Variants in AASS observed in about 807,000 individuals in gnomAD.
AASS encodes aminoadipate-semialdehyde synthase, also known as alpha-aminoadipic semialdehyde synthase, mitochondrial.
In AASS, 86 loss-of-function variants were observed where a neutral mutation model predicts 105.4. The ratio of observed to expected loss-of-function variants is 0.82; its 90% CI spans 0.69 to 0.98. The LOEUF (loss-of-function observed/expected upper bound fraction) is 0.98. AASS is among the 50% of genes least tolerant of loss of function. The pLI, the probability that AASS is intolerant of heterozygous loss-of-function variation, is 0.00. For synonymous variants in AASS, 381 were observed against 394.8 expected (o/e 0.96, Z 0.41); for missense variants, 1,048 against 1,143.2 (o/e 0.92, Z 1.20).
At chr7:122,085,827 C>T (rs560664508) in intron 19 of AASS, among the ~76,000 whole-genome samples, 185 bp downstream of exon 19, 15 of 152,144 alleles carry the variant, frequency 9.9e-5, no homozygotes, top group Non-Finnish European at 1.9e-4. Context: ...CCTAATGAGT[C>T]AATTAATTAT....
intron 8 of AASS, among the ~76,000 whole-genome samples, chr7:122,115,653 G>A (rs936938779): frequency 1.3e-5 from 2 of 152,064 alleles, no homozygotes; most frequent in African/African-American, 4.8e-5. Flanking sequence ...ATTCCTCAAA[G>A]GAATGCTGTG....
chr7:122,113,834 C>A, intron 9 of AASS, 114 bp from the exon 10 acceptor site: 30 of 1,128,008 alleles, frequency 2.7e-5, no homozygotes, highest in Non-Finnish European at 3.8e-5. Flanking sequence ...ATTTTCCAGG[C>A]TTTTGGGGTC....
intron 15 of AASS, among the ~76,000 whole-genome samples, chr7:122,096,007 G>A (rs1008941645): frequency 1.3e-5 from 2 of 152,008 alleles, no homozygotes; most frequent in Non-Finnish European, 2.9e-5. Context: ...TTTTTTAGAC[G>A]AAGGGATTAG....
At chr7:122,089,177 G>T (rs1255032490) in intron 18 of AASS, among the ~76,000 whole-genome samples, 1 of 152,060 alleles carries the variant, frequency 6.6e-6, no homozygotes, top group African/African-American at 2.4e-5. Flanking sequence ...TACAAGAGAG[G>T]TTTTAAGTTG....
At chr7:122,101,299 G>A (rs1205826777) in intron 13 of AASS, 72 bp downstream of exon 13, 6 of 1,180,296 alleles carry the variant, frequency 5.1e-6, no homozygotes, top group Non-Finnish European at 6.3e-6. Flanking sequence ...TCCCATTGAA[G>A]CATTAAAAAA....
In AASS at chr7:122,086,189, A is replaced by G; in HGVS notation, c.2017-10T>C. On this transcript the variant is annotated splice_polypyrimidine_tract_variant and intron_variant, in intron 18 of 23. Coordinates refer to ENST00000417368, the MANE Select transcript of AASS (RefSeq NM_005763.4). ...CTGCAACATTCACAACCTGAGGAAC[A>G]TTGAGAAGGCACACATGGGGTTACA... 1.9e-6 allele frequency: 3 copies of G among 1,612,856 alleles called. No homozygotes were observed. The highest frequency in any genetic ancestry group is 1.7e-6 in the Non-Finnish European group (2 of 1,179,528).
chr7:122,084,137 A>T (rs1793509822), intron 19 of AASS, among the ~76,000 whole-genome samples: 1 of 152,188 alleles, frequency 6.6e-6, no homozygotes, highest in Admixed American at 6.5e-5. Context: ...CAAATTGAAG[A>T]AAATAGATCA....
chr7:122,139,739 C>T (rs1181180426), intron 1 of AASS, among the ~76,000 whole-genome samples: 1 of 152,078 alleles, frequency 6.6e-6, no homozygotes, highest in Admixed American at 6.6e-5. Context: ...GGGCAGATCA[C>T]CTGAGGAGTT....
At chr7:122,107,359 C>T (rs111989968) in intron 11 of AASS, among the ~76,000 whole-genome samples, 9,615 of 152,172 alleles carry the variant, frequency 0.063, 512 homozygotes, top group East Asian at 0.16. Flanking sequence ...AACAGAACTA[C>T]TCTTCAACCC....
chr7:122,120,731 A>T (rs1028341415), intron 4 of AASS, among the ~76,000 whole-genome samples: 1 of 151,988 alleles, frequency 6.6e-6, no homozygotes, highest in African/African-American at 2.4e-5. Context: ...TACCCCACAC[A>T]TTTTGATAAG....
In AASS at chr7:122,116,653, T is replaced by C. The variant is rs587777122; in HGVS notation, c.874A>G (p.Ile292Val). The C allele has an allele frequency of 3.1e-6, 5 of 1,614,138 alleles. No homozygotes were observed. The highest frequency in any genetic ancestry group is 1.7e-5 in the Admixed American group (1 of 60,032). Residue 292 changes from isoleucine to valine, a missense_variant, in exon 8 of 24, where the codon ATA (isoleucine) becomes GTA (valine). Coordinates refer to ENST00000417368, the MANE Select transcript of AASS (RefSeq NM_005763.4). ...AEYDKHPERY[I>V]SRFNTDIAPY... The stretch of plus-strand genomic sequence containing the variant: ...CTCACATCAGTATTAAAACGACTTA[T>C]GTAGCGCTCCGGATGTTTGTCATAC...
chr7:122,136,122 TAAC>T (rs1796129433), intron 1 of AASS, among the ~76,000 whole-genome samples: 1 of 152,170 alleles, frequency 6.6e-6, no homozygotes, highest in Admixed American at 6.5e-5. Context: ...CCATCACCGC[TAAC>T]AACATATAGA....
chr7:122,142,385 C>T lies in AASS; in HGVS notation c.-16+1776G>A, dbSNP rs905308191. 2.6e-5 allele frequency among the ~76,000 whole-genome samples: 4 copies of T among 152,296 alleles called. No individual in the cohort carries two copies. The East Asian group carries it at 5.8e-4, about 22-fold the overall frequency. ...ACTCACATTTCTTTCCTCTGTCACA[C>T]TGTAGTAAGACCTTCACGATGGCTC... On this transcript the variant is annotated intron_variant, in intron 1 of 23. Coordinates refer to ENST00000417368, the MANE Select transcript of AASS (RefSeq NM_005763.4).
chr7:122,112,989 T>C, intron 11 of AASS, 129 bp downstream of exon 11: 1 of 778,368 alleles, frequency 1.3e-6, no homozygotes, highest in Non-Finnish European at 2.2e-6. Flanking sequence ...CAGTAAGTAT[T>C]TCAGGGAAGG....
chr7:122,118,316 A>T lies in AASS; in HGVS notation c.678T>A (p.Asn226Lys), dbSNP rs1232319374. 6.2e-7 allele frequency: 1 copy of T among 1,614,008 alleles called. No homozygotes were observed. The highest frequency in any genetic ancestry group is 1.3e-5 in the African/African-American group (1 of 74,942). The change falls in exon 6 of 24, where the codon AAT (asparagine) becomes AAA (lysine). Residue 226 changes from asparagine (N) to lysine (K), a missense_variant. Transcript: ENST00000417368. ...GTCAGGTAAAAGTTACCTTAGAAAC[A>T]TTACCAGTTCCTGTGAACACAAATG... ...PLTFVFTGTG[N>K]VSKGAQAIFN...
At chr7:122,096,766 G>A (rs1231762292) in intron 15 of AASS, among the ~76,000 whole-genome samples, 1 of 152,024 alleles carries the variant, frequency 6.6e-6, no homozygotes, top group Non-Finnish European at 1.5e-5. Flanking sequence ...TCCTATTGAA[G>A]GCCACTAGTT....
At chr7:122,081,889 G>T in intron 19 of AASS, 1 of 343,592 alleles carries the variant, frequency 2.9e-6, no homozygotes, top group Non-Finnish European at 5.4e-6. Context: ...AAAAGACCTT[G>T]CAAAACTTAG....
rs1177564278 is a variant in AASS at position 122,124,787 on chromosome 7, C to T, written c.472+1588G>A. Among the ~76,000 whole-genome samples the T allele has an allele frequency of 2.6e-5, 4 of 152,046 alleles. No individual in the cohort carries two copies. In the East Asian group the frequency reaches 7.7e-4, roughly 29 times the overall value. On this transcript the variant is annotated intron_variant, in intron 4 of 23. Coordinates refer to ENST00000417368, the MANE Select transcript of AASS (RefSeq NM_005763.4). ...CCTCATCTGGATGAGTCCTGAAAGG[C>T]CCTAGGAATCATAGTCATCAGAGGT...
In AASS at chr7:122,092,872, T is replaced by G; in HGVS notation, c.1846A>C (p.Ile616Leu). 1 of 1,613,940 alleles carries G rather than the reference T, an allele frequency of 6.2e-7. No homozygotes were observed. The highest frequency in any genetic ancestry group is 8.5e-7 in the Non-Finnish European group (1 of 1,179,888). Reference sequence around the variant, plus strand: ...GCTCCCACTTCCTTGGCTTTATCTATTGTTTCCATTGCTAACATGTGATCC... The same window carrying G: ...GCTCCCACTTCCTTGGCTTTATCTAGTGTTTCCATTGCTAACATGTGATCC... ...GLDHMLAMET[I>L]DKAKEVGATI... The change falls in exon 17 of 24, where the codon ATA (isoleucine) becomes CTA (leucine). Residue 616 changes from isoleucine (I) to leucine (L), a missense_variant. Ile to Leu is a conservative substitution (Grantham distance 5, BLOSUM62 2). Transcript: ENST00000417368.
Sources: gnomAD v4.1 joint callset for allele counts (sites outside exome capture counted in the v4.1 genomes callset) on GRCh38, gnomAD v4.1.1 for gene constraint, MANE v1.5 for transcripts, NCBI Gene and HGNC (gene_info 2026-07-23, HGNC 2026-07-21) for gene names.